THRB: variants seen among roughly 807,000 people sequenced by gnomAD.
The protein encoded by THRB is thyroid hormone receptor beta, also known as nuclear receptor subfamily 1 group A member 2.
A neutral mutation model predicts 47.8 loss-of-function variants in THRB; 12 were observed. The observed-to-expected ratio is 0.25, with a 90% CI of 0.16 to 0.41. The LOEUF is 0.41. Ranked by LOEUF, THRB falls within the 10% of genes least tolerant of loss-of-function variation. THRB has a pLI of 1.00. For synonymous variants in THRB, 218 were observed against 212.2 expected, an observed-to-expected ratio of 1.03 and a Z score of -0.24; for missense variants, 348 against 589.2, an observed-to-expected ratio of 0.59 and a Z score of 4.24.
intron 1 of THRB, among the ~76,000 whole-genome samples, chr3:24,491,232 C>T: frequency 6.6e-6 from 1 of 152,166 alleles, no homozygotes; most frequent in East Asian, 1.9e-4. Flanking sequence ...TTTGATCTTT[C>T]TTCCCCTCCC....
At chr3:24,321,958 T>C (rs772262164) in intron 2 of THRB, among the ~76,000 whole-genome samples, 32 of 152,172 alleles carry the variant, frequency 2.1e-4, no homozygotes, top group Non-Finnish European at 4.3e-4. Context: ...AAAATAAATT[T>C]CACCTTTTTT....
At chr3:24,456,200 T>C (rs2073159028) in intron 1 of THRB, among the ~76,000 whole-genome samples, 1 of 152,068 alleles carries the variant, frequency 6.6e-6, no homozygotes, top group Admixed American at 6.6e-5. Flanking sequence ...CTGGGTGTTC[T>C]GTCACACACC....
chr3:24,466,992 T>C (rs1441319013), intron 1 of THRB, among the ~76,000 whole-genome samples: 1 of 152,220 alleles, frequency 6.6e-6, no homozygotes, highest in Non-Finnish European at 1.5e-5. Context: ...TGATAGAATT[T>C]TGCCCACAGT....
chr3:24,213,247 C>T (rs2046239641), intron 4 of THRB, among the ~76,000 whole-genome samples: 1 of 152,148 alleles, frequency 6.6e-6, no homozygotes, highest in African/African-American at 2.4e-5. Context: ...TCCTCTTGGC[C>T]AGTGCATGTG....
rs1360367092 is a variant in THRB, at chr3:24,299,766, C to CTTTTTTTTTTTTTTTT, written c.-188-2396_-188-2395insAAAAAAAAAAAAAAAA. ...GCCTTGAGGCTTCTGGGGAAGTATG[C>CTTTTTTTTTTTTTTTT]TTTTTTATTTATTTATTTATTTATT... is the stretch of plus-strand genomic sequence containing the variant. On this transcript the variant is annotated intron_variant, in intron 2 of 10. Transcript: ENST00000646209. 5.0e-4 allele frequency among the ~76,000 whole-genome samples: 29 copies of CTTTTTTTTTTTTTTTT among 58,566 alleles called. 13 individuals carry two copies. The highest frequency in any genetic ancestry group is 1.5e-3 in the African/African-American group (18 of 12,368). The allele number at this position is 58,566 out of a possible 152,430, so 38.4% of individuals were successfully genotyped here. A position where few individuals can be genotyped will look rare whatever the true frequency, so the allele number is the denominator to read the frequency against.
intron 1 of THRB, among the ~76,000 whole-genome samples, chr3:24,493,836 A>G (rs184300247): frequency 6.6e-6 from 1 of 152,362 alleles, no homozygotes; most frequent in African/African-American, 2.4e-5. Flanking sequence ...TAATCCCACA[A>G]TGGTCATTGG....
At chr3:24,238,816 T>G (rs1376376049) in intron 3 of THRB, among the ~76,000 whole-genome samples, 1 of 152,090 alleles carries the variant, frequency 6.6e-6, no homozygotes, top group Non-Finnish European at 1.5e-5. Flanking sequence ...AATAAAATTA[T>G]CCTAATAAAT....
At chr3:24,395,906 T>C (rs1426346784) in intron 1 of THRB, among the ~76,000 whole-genome samples, 3 of 152,082 alleles carry the variant, frequency 2.0e-5, no homozygotes, top group Admixed American at 1.3e-4. Flanking sequence ...TGTAGAATTA[T>C]ATGGTTCCGT....
At chr3:24,194,821 C>A (rs558211237) in intron 4 of THRB, among the ~76,000 whole-genome samples, 1 of 152,172 alleles carries the variant, frequency 6.6e-6, no homozygotes, top group East Asian at 1.9e-4. Flanking sequence ...GACACAAGAG[C>A]GAGCTGATAC....
At chr3:24,184,509 T>G (rs985664661) in intron 5 of THRB, among the ~76,000 whole-genome samples, 1 of 152,188 alleles carries the variant, frequency 6.6e-6, no homozygotes, top group Non-Finnish European at 1.5e-5. Context: ...CCCTTTGACA[T>G]TGCTGTTTCC....
At chr3:24,187,930 T>C (rs375200523) in intron 5 of THRB, among the ~76,000 whole-genome samples, 29 of 152,246 alleles carry the variant, frequency 1.9e-4, no homozygotes, top group African/African-American at 5.3e-4. Context: ...AACCAAGGCA[T>C]TGCCTCATGC....
rs1431242854 is a variant in THRB, at chr3:24,494,660, C to T, written c.-269G>A. The stretch of plus-strand genomic sequence containing the variant: ...CCCCCTCCTCCTCTCACCCCGCTGC[C>T]TCCGCGCGGTCCTCTAGCCAAATTA... On this transcript the variant is annotated 5_prime_UTR_variant, in exon 1 of 11. Coordinates refer to ENST00000646209, the MANE Select transcript of THRB (RefSeq NM_001354712.2). 6.6e-6 allele frequency: 1 copy of T among 152,494 alleles called. No individual in the cohort carries two copies. Among genetic ancestry groups the T allele is most frequent in the Non-Finnish European group, 1.5e-5 (1 of 68,362 alleles). 9.4% of individuals were successfully genotyped at this position (152,494 alleles called of 1,614,324 possible).
At chr3:24,135,024 G>A (rs1364269895) in intron 8 of THRB, among the ~76,000 whole-genome samples, 1 of 152,172 alleles carries the variant, frequency 6.6e-6, no homozygotes, top group African/African-American at 2.4e-5. Context: ...CCCATCCCCA[G>A]TGTATTTGAT....
At position 24,452,221 on chromosome 3, in the gene THRB, C is replaced by T. The variant is rs189589372; in HGVS notation, c.-261+42431G>A. Among the ~76,000 whole-genome samples, 164 of 152,198 alleles carry T rather than the reference C, an allele frequency of 1.1e-3. 1 individual carries two copies. The highest frequency in any genetic ancestry group is 2.1e-3 in the Non-Finnish European group (144 of 67,998). On this transcript the variant is annotated intron_variant, in intron 1 of 10. Transcript: ENST00000646209. ...TATTTAAACATTAATATTTATTTTACCATGGGTATTTGTGCATTACTTTTG... is the reference window on the plus strand; with the variant it reads ...TATTTAAACATTAATATTTATTTTATCATGGGTATTTGTGCATTACTTTTG...
intron 1 of THRB, among the ~76,000 whole-genome samples, chr3:24,462,929 T>C (rs1250187176): frequency 6.6e-6 from 1 of 152,208 alleles, no homozygotes; most frequent in Non-Finnish European, 1.5e-5. Flanking sequence ...CTTCTATGCA[T>C]GAGCAAGAAC....
intron 5 of THRB, among the ~76,000 whole-genome samples, chr3:24,177,291 A>G (rs2041285443): frequency 6.6e-6 from 1 of 152,234 alleles, no homozygotes; most frequent in Non-Finnish European, 1.5e-5. Flanking sequence ...CAGCCAGCCA[A>G]TAGAATTTTC....
Position 24,146,743 on chromosome 3 carries a change from T to C in THRB, c.464A>G (p.Lys155Arg). The change falls in exon 7 of 11, where the codon AAA becomes AGA. Residue 155 changes from lysine (K) to arginine (R), a missense_variant. Coordinates refer to ENST00000646209, the MANE Select transcript of THRB (RefSeq NM_001354712.2). ...CKYEGKCVID[K>R]VTRNQCQECR... ...TTCCTGGCACTGATTTCGCGTGACTTTGTCTATGACACATTTTCCTTCATA... is the reference window on the plus strand; with the variant it reads ...TTCCTGGCACTGATTTCGCGTGACTCTGTCTATGACACATTTTCCTTCATA... 1 of 1,614,122 alleles carries C rather than the reference T, an allele frequency of 6.2e-7. No individual in the cohort carries two copies. The highest frequency in any genetic ancestry group is 8.5e-7 in the Non-Finnish European group (1 of 1,179,956).
chr3:24,327,342 C>A (rs1299224823), intron 2 of THRB, among the ~76,000 whole-genome samples: 1 of 151,920 alleles, frequency 6.6e-6, no homozygotes, highest in Non-Finnish European at 1.5e-5. Flanking sequence ...CTAATTCAAT[C>A]AAAGAGTTGC....
At chr3:24,381,169 T>A (rs1466430615) in intron 1 of THRB, among the ~76,000 whole-genome samples, 1 of 149,772 alleles carries the variant, frequency 6.7e-6, no homozygotes, top group Non-Finnish European at 1.5e-5. Flanking sequence ...AATAAAAATG[T>A]CAAACATTAG....
Sources: gnomAD v4.1 joint callset for allele counts (sites outside exome capture counted in the v4.1 genomes callset) on GRCh38, gnomAD v4.1.1 for gene constraint, MANE v1.5 for transcripts, NCBI Gene and HGNC (gene_info 2026-07-23, HGNC 2026-07-21) for gene names.